RBM25: variants seen among roughly 807,000 people sequenced by gnomAD.
RBM25 encodes RNA-binding protein 25.
Under a neutral mutation model 120.7 loss-of-function variants are expected in RBM25, and 19 were observed. The observed-to-expected ratio is 0.16, with a 90% CI of 0.11 to 0.23. The LOEUF (loss-of-function observed/expected upper bound fraction) is 0.23. Among genes scored for constraint, RBM25 ranks in the 10% least tolerant of loss-of-function variants. The pLI, the probability that RBM25 is intolerant of heterozygous loss-of-function variation, is 1.00. For missense variants in RBM25, 605 were observed against 1,041.5 expected (o/e 0.58, Z 5.77); for synonymous variants, 390 against 326.7 (o/e 1.19, Z -2.09).
At chr14:73,103,932 TCTCTCTCTCTCTCTCTCACA>T (rs1299396458) in intron 10 of RBM25, among the ~76,000 whole-genome samples, 325 of 83,412 alleles carry the variant, frequency 3.9e-3, no homozygotes, top group African/African-American at 0.012. Context: ...TCTCTCTCTC[TCTCTCTCTCTCTCTCTCACA>T]CACACACACA....
intron 13 of RBM25, among the ~76,000 whole-genome samples, chr14:73,108,930 T>G (rs1231463788): frequency 6.6e-6 from 1 of 152,210 alleles, no homozygotes; most frequent in East Asian, 1.9e-4. Context: ...GAGATAATTT[T>G]TACAAGTGAA....
At chr14:73,099,781 A>G (rs369574618) in intron 9 of RBM25, 31 bp downstream of exon 9, 5 of 1,565,028 alleles carry the variant, frequency 3.2e-6, no homozygotes, top group South Asian at 1.2e-5. Flanking sequence ...CTTGATACCA[A>G]TCTAGACTTT....
At chr14:73,073,725 G>T (rs1335223119) in intron 2 of RBM25, among the ~76,000 whole-genome samples, 1 of 152,130 alleles carries the variant, frequency 6.6e-6, no homozygotes, top group Non-Finnish European at 1.5e-5. Flanking sequence ...GTTTATGCAT[G>T]TATATTATGG....
rs751037567 is a variant in RBM25 at position 73,120,037 on chromosome 14, T to G, written c.*232T>G. ...TCACCAGGTACAAATTACTGGTATGTTTTATAAGCCGCAGCTACTGTACAC... is the reference window on the plus strand; with the variant it reads ...TCACCAGGTACAAATTACTGGTATGGTTTATAAGCCGCAGCTACTGTACAC... On this transcript the variant is annotated 3_prime_UTR_variant, in exon 19 of 19. Coordinates refer to ENST00000261973, the MANE Select transcript of RBM25 (RefSeq NM_021239.3). 5.5e-5 allele frequency: 26 copies of G among 468,548 alleles called. No homozygotes were observed. The highest frequency in any genetic ancestry group is 8.5e-5 in the Non-Finnish European group (24 of 283,182). 29.0% of individuals were successfully genotyped at this position (468,548 alleles called of 1,614,324 possible).
intron 1 of RBM25, chr14:73,068,538 G>A: frequency 1.3e-6 from 1 of 741,726 alleles, no homozygotes; most frequent in Non-Finnish European, 2.3e-6. Context: ...TTTAACATTA[G>A]ATGACCAATT....
At chr14:73,105,063 A>ACACACACACACACACG (rs894755768) in intron 10 of RBM25, among the ~76,000 whole-genome samples, 1 of 151,236 alleles carries the variant, frequency 6.6e-6, no homozygotes, top group African/African-American at 2.4e-5. Flanking sequence ...ACACACACAC[A>ACACACACACACACACG]CAGAGTTATT....
chr14:73,083,991 G>T (rs1332854774), intron 5 of RBM25, among the ~76,000 whole-genome samples: 8 of 151,098 alleles, frequency 5.3e-5, no homozygotes, highest in Non-Finnish European at 1.0e-4. Flanking sequence ...TCTGCCTCCT[G>T]GGTTGGAGCA....
intron 1 of RBM25, among the ~76,000 whole-genome samples, chr14:73,060,697 C>T (rs528125321): frequency 1.3e-5 from 2 of 151,378 alleles, no homozygotes; most frequent in Non-Finnish European, 3.0e-5. Context: ...AATTCCACTA[C>T]CCAGAATTAT....
rs1413948768 is a variant in RBM25 at position 73,106,811 on chromosome 14, A to G, written c.1467+526A>G. Among the ~76,000 whole-genome samples, 5 of 152,012 alleles carry G rather than the reference A, an allele frequency of 3.3e-5. No individual in the cohort carries two copies. The East Asian group carries it at 9.6e-4, about 29-fold the overall frequency. ...AAAAACCATATACATATACACATAT[A>G]CATACATGTATACATATATATGTAT... On this transcript the variant is annotated intron_variant, in intron 12 of 18. Transcript: ENST00000261973.
At chr14:73,107,926 A>T in intron 13 of RBM25, 27 bp downstream of exon 13, 1 of 1,497,350 alleles carries the variant, frequency 6.7e-7, no homozygotes, top group South Asian at 1.2e-5. Context: ...CTGTGGATTC[A>T]TACTTGGTTT....
intron 18 of RBM25, among the ~76,000 whole-genome samples, chr14:73,116,072 GT>G (rs140937306): frequency 1.8e-4 from 27 of 146,790 alleles, no homozygotes; most frequent in South Asian, 4.4e-4. Context: ...CCATGGAGTT[GT>G]TTTTTTTTTT....
intron 8 of RBM25, 116 bp from the exon 9 acceptor site, chr14:73,099,551 G>A: frequency 6.3e-7 from 1 of 1,584,608 alleles, no homozygotes; most frequent in Non-Finnish European, 8.5e-7. Context: ...TGTTATTGTG[G>A]ATATTCTGTT....
chr14:73,079,312 A>G (rs1222739480), intron 4 of RBM25, among the ~76,000 whole-genome samples: 1 of 150,580 alleles, frequency 6.6e-6, no homozygotes, highest in Admixed American at 6.6e-5. Context: ...AATCCCAACT[A>G]CGCGGGAGGC....
At chr14:73,063,894 A>G (rs1037868901) in intron 1 of RBM25, among the ~76,000 whole-genome samples, 14 of 151,254 alleles carry the variant, frequency 9.3e-5, no homozygotes, top group Admixed American at 4.0e-4. Context: ...TACTCATAAT[A>G]CTCAGTATTT....
At chr14:73,070,187 A>G (rs1318687598) in intron 1 of RBM25, among the ~76,000 whole-genome samples, 1 of 150,820 alleles carries the variant, frequency 6.6e-6, no homozygotes, top group Non-Finnish European at 1.5e-5. Context: ...AGCTGGGATT[A>G]CAGGCGCACA....
intron 1 of RBM25, among the ~76,000 whole-genome samples, chr14:73,062,200 C>G (rs1400423642): frequency 1.3e-5 from 2 of 151,424 alleles, no homozygotes; most frequent in Non-Finnish European, 3.0e-5. Flanking sequence ...AAGATCAACT[C>G]TTTTTTGGAG....
intron 5 of RBM25, among the ~76,000 whole-genome samples, chr14:73,086,450 A>G (rs1895688244): frequency 6.6e-6 from 1 of 151,358 alleles, no homozygotes. Flanking sequence ...AAAAAAAAAA[A>G]CAAAACAGTG....
At chr14:73,115,198 G>A (rs986325922) in intron 18 of RBM25, among the ~76,000 whole-genome samples, 5 of 142,984 alleles carry the variant, frequency 3.5e-5, no homozygotes, top group South Asian at 2.2e-4. Context: ...GTTTTAAGTC[G>A]GATACATGTG....
In RBM25 at chr14:73,114,266, C is replaced by T. The variant is rs1341148093; in HGVS notation, c.2392-20C>T. On this transcript the variant is annotated intron_variant, in intron 17 of 18. Coordinates refer to ENST00000261973, the MANE Select transcript of RBM25 (RefSeq NM_021239.3). ...AATTTTTTATTTATTTTTAATGTGA[C>T]AATTATTTTTCTCTTTTAGGTTATG... is the stretch of plus-strand genomic sequence containing the variant. 1 of 1,485,870 alleles carries T rather than the reference C, an allele frequency of 6.7e-7. No individual in the cohort carries two copies. Among genetic ancestry groups the T allele is most frequent in the South Asian group, 1.4e-5 (1 of 73,678 alleles). The allele number at this position is 1,485,870 out of a possible 1,614,324, so 92.0% of individuals were successfully genotyped here. A position where few individuals can be genotyped will look rare whatever the true frequency, so the allele number is the denominator to read the frequency against.
Sources: gnomAD v4.1 joint callset for allele counts (sites outside exome capture counted in the v4.1 genomes callset) on GRCh38, gnomAD v4.1.1 for gene constraint, MANE v1.5 for transcripts, NCBI Gene and HGNC (gene_info 2026-07-23, HGNC 2026-07-21) for gene names.